The following KIAA1217 variants were observed in gnomAD, a reference collection of about 807,000 sequenced individuals.
KIAA1217 encodes the protein sickle tail protein homolog.
KIAA1217 carries 88 observed loss-of-function variants against 163.9 expected under a neutral mutation model. The observed-to-expected ratio is 0.54, with a 90% CI of 0.45 to 0.64. KIAA1217 has a LOEUF of 0.64. KIAA1217 is among the 30% of genes least tolerant of loss of function. The pLI is 0.00. For synonymous variants in KIAA1217, 903 were observed against 923.1 expected, an observed-to-expected ratio of 0.98 and a Z score of 0.39; for missense variants, 2,372 against 2,475.0, an observed-to-expected ratio of 0.96 and a Z score of 0.88.
chr10:24,226,109 C>T (rs1017463709), intron 2 of KIAA1217, among the ~76,000 whole-genome samples: 3 of 151,754 alleles, frequency 2.0e-5, no homozygotes, highest in African/African-American at 2.4e-5. Flanking sequence ...AAGAAGTCAA[C>T]ATTTGAACCA....
chr10:24,162,147 A>G (rs922273633), intron 2 of KIAA1217, among the ~76,000 whole-genome samples: 1 of 152,214 alleles, frequency 6.6e-6, no homozygotes, highest in Non-Finnish European at 1.5e-5. Flanking sequence ...TTTGGGTTCA[A>G]AGGTACTTTC....
At chr10:23,953,323 C>T (rs959448759) in intron 1 of KIAA1217, among the ~76,000 whole-genome samples, 2 of 152,212 alleles carry the variant, frequency 1.3e-5, no homozygotes, top group Non-Finnish European at 2.9e-5. Flanking sequence ...TAACGATTCT[C>T]CTCCATTCAG....
chr10:23,732,567 A>G (rs1838535340), intron 1 of KIAA1217, among the ~76,000 whole-genome samples: 1 of 152,030 alleles, frequency 6.6e-6, no homozygotes, highest in African/African-American at 2.4e-5. Context: ...AGGCTTACCA[A>G]TTTTATTGAT....
intron 1 of KIAA1217, among the ~76,000 whole-genome samples, chr10:23,991,551 C>T (rs1041752519): frequency 6.6e-6 from 1 of 152,122 alleles, no homozygotes; most frequent in Non-Finnish European, 1.5e-5. Context: ...TCTCTATACA[C>T]CGCCCTGGAT....
chr10:24,010,237 A>G (rs999537932), intron 2 of KIAA1217, among the ~76,000 whole-genome samples: 4 of 152,172 alleles, frequency 2.6e-5, no homozygotes, highest in African/African-American at 9.6e-5. Flanking sequence ...ATTACAGTCA[A>G]TAAAGTCTCA....
chr10:24,389,229 G>T (rs904308676), intron 3 of KIAA1217, among the ~76,000 whole-genome samples: 12 of 152,082 alleles, frequency 7.9e-5, no homozygotes, highest in African/African-American at 2.2e-4. Flanking sequence ...CCATAAAAAA[G>T]GATGAGTTCA....
At chr10:23,772,580 G>C (rs1469415993) in intron 1 of KIAA1217, among the ~76,000 whole-genome samples, 3 of 152,102 alleles carry the variant, frequency 2.0e-5, no homozygotes, top group Non-Finnish European at 4.4e-5. Flanking sequence ...CTCACTCCCA[G>C]TTTATAAATT....
chr10:23,836,883 A>G lies in KIAA1217; in HGVS notation c.-321+141649A>G, dbSNP rs1189301646. 2.1e-5 allele frequency among the ~76,000 whole-genome samples: 3 copies of G among 141,572 alleles called. No homozygotes were observed. In the Admixed American group the frequency reaches 2.1e-4, roughly 10 times the overall value. 92.9% of individuals were successfully genotyped at this position (141,572 alleles called of 152,430 possible). A position where few individuals can be genotyped will look rare whatever the true frequency, so the allele number is the denominator to read the frequency against. On this transcript the variant is annotated intron_variant, in intron 1 of 18. Transcript: ENST00000376462. The stretch of plus-strand genomic sequence containing the variant: ...GATGTCAATGAGCTGTGATCGTGTC[A>G]CTGCACTCTAGCCTGGGTGACAGAG...
chr10:23,966,848 T>A (rs924412196), intron 1 of KIAA1217, among the ~76,000 whole-genome samples: 58 of 152,214 alleles, frequency 3.8e-4, no homozygotes, highest in Admixed American at 3.5e-3. Flanking sequence ...TTCAAATGAA[T>A]ATTATTCAAC....
At chr10:23,781,738 C>T (rs1835268605) in intron 1 of KIAA1217, among the ~76,000 whole-genome samples, 1 of 152,088 alleles carries the variant, frequency 6.6e-6, no homozygotes, top group Non-Finnish European at 1.5e-5. Flanking sequence ...TTTTGAGTTG[C>T]TTTTTGTGTA....
chr10:24,012,561 A>G (rs1847282730), intron 2 of KIAA1217, among the ~76,000 whole-genome samples: 1 of 152,194 alleles, frequency 6.6e-6, no homozygotes, highest in South Asian at 2.1e-4. Flanking sequence ...TCTTCCTTCA[A>G]GGCTGGTGGG....
intron 1 of KIAA1217, among the ~76,000 whole-genome samples, chr10:23,943,349 G>C (rs1177051231): frequency 6.6e-6 from 1 of 152,154 alleles, no homozygotes; most frequent in African/African-American, 2.4e-5. Flanking sequence ...TATTTATACA[G>C]TAGCAGCAAA....
Position 23,906,274 on chromosome 10 carries a change from A to AC in KIAA1217, c.-320-100951_-320-100950insC, listed in dbSNP as rs71397923. 4.9e-3 allele frequency among the ~76,000 whole-genome samples: 737 copies of AC among 151,736 alleles called. 7 individuals are homozygous for AC. The highest frequency in any genetic ancestry group is 0.016 in the African/African-American group (652 of 41,392). On this transcript the variant is annotated intron_variant, in intron 1 of 18. Coordinates refer to the KIAA1217 transcript ENST00000376462. ...AGGAAGCACACACACACACACACACAAAAATACACATACACACAAACACGT... is the reference window on the plus strand; with the variant it reads ...AGGAAGCACACACACACACACACACACAAAATACACATACACACAAACACGT...
chr10:24,113,519 G>C (rs913205015), intron 2 of KIAA1217, among the ~76,000 whole-genome samples: 2 of 152,190 alleles, frequency 1.3e-5, no homozygotes, highest in Non-Finnish European at 2.9e-5. Context: ...GAAGATGACA[G>C]CATCCACTCT....
At chr10:23,816,280 G>T (rs915906987) in intron 1 of KIAA1217, among the ~76,000 whole-genome samples, 6 of 151,674 alleles carry the variant, frequency 4.0e-5, no homozygotes, top group South Asian at 2.1e-4. Context: ...ATTTCTTTTT[G>T]TTGTTGTTGT....
chr10:24,378,670 T>G (rs1463430082), intron 2 of KIAA1217, among the ~76,000 whole-genome samples: 1 of 151,964 alleles, frequency 6.6e-6, no homozygotes, highest in African/African-American at 2.4e-5. Context: ...TCACAGGGTA[T>G]CTGGCACAAG....
At chr10:24,244,253 C>A (rs367602696) in intron 2 of KIAA1217, among the ~76,000 whole-genome samples, 1 of 152,162 alleles carries the variant, frequency 6.6e-6, no homozygotes. Context: ...AAGTTCCTCT[C>A]GGCTGGCTAC....
chr10:23,887,225 G>A (rs1841216757), intron 1 of KIAA1217, among the ~76,000 whole-genome samples: 2 of 151,890 alleles, frequency 1.3e-5, no homozygotes, highest in African/African-American at 2.4e-5. Context: ...ATGTGTGCCA[G>A]AGTCTTTTTT....
At position 24,524,366 on chromosome 10, in the gene KIAA1217, G is replaced by A. The variant is rs773779285; in HGVS notation, c.2500G>A (p.Ala834Thr). The A allele has an allele frequency of 1.9e-6, 3 of 1,613,940 alleles. No individual in the cohort carries two copies. The highest frequency in any genetic ancestry group is 2.7e-5 in the African/African-American group (2 of 74,922). The change falls in exon 13 of 21, where the codon GCC becomes ACC. Residue 834 changes from alanine (A) to threonine (T), a missense_variant. Around this residue, in one of 3 missense-constraint regions of KIAA1217, gnomAD observed 1,431 missense variants for 1,470.3 expected, o/e 0.97. Transcript: ENST00000376454. The stretch of plus-strand genomic sequence containing the variant: ...CCTGAAAGGCACGGACGCAGCCCAA[G>A]CCGCACAGTACATGGCTATGGAAAA... Reference protein sequence around the residue: ...GLLKGTDAAQAAQYMAMEKAT... With the variant: ...GLLKGTDAAQTAQYMAMEKAT...
Sources: allele counts gnomAD v4.1 joint callset (sites outside exome capture counted in the v4.1 genomes callset), GRCh38; gene constraint gnomAD v4.1.1; regional missense constraint gnomAD v4.1.1; transcripts MANE v1.5; gene names NCBI Gene and HGNC (gene_info 2026-07-23, HGNC 2026-07-21).